The following NLRP10 variants were observed in gnomAD, a reference collection of about 807,000 sequenced individuals.
NLRP10 encodes the protein NACHT, LRR and PYD domains-containing protein 10.
In NLRP10, 7 loss-of-function variants were observed where a neutral mutation model predicts 8.2. The observed-to-expected ratio is 0.85, with a 90% CI of 0.48 to 1.60. The LOEUF is 1.60. Among genes scored for constraint, NLRP10 ranks in the 40% most tolerant of loss-of-function variants. The pLI is 0.00. For missense variants in NLRP10, 814 were observed against 776.3 expected (o/e 1.05, Z -0.58); for synonymous variants, 338 against 314.0 (o/e 1.08, Z -0.81).
At chr11:7,962,231 C>CTTTTTTTTTGTTTTTTTTTTTT (rs1941744093) in intron 2 of NLRP10, among the ~76,000 whole-genome samples, 1 of 66,994 alleles carries the variant, frequency 1.5e-5, no homozygotes, top group African/African-American at 5.6e-5. Flanking sequence ...TAAGCCTGTT[C>CTTTTTTTTTGTTTTTTTTTTTT]TTTTTTTTTT....
In NLRP10 at chr11:7,965,336, C is replaced by G. The variant is rs570956068; in HGVS notation, c.-136G>C. 1 of 152,236 alleles carries G rather than the reference C, an allele frequency of 6.6e-6. No individual in the cohort carries two copies. The highest frequency in any genetic ancestry group is 2.4e-5 in the African/African-American group (1 of 41,452). 9.4% of individuals were successfully genotyped at this position (152,236 alleles called of 1,614,324 possible). A position where few individuals can be genotyped will look rare whatever the true frequency, so the allele number is the denominator to read the frequency against. On this transcript the variant is annotated 5_prime_UTR_variant, in exon 1 of 3. Coordinates refer to ENST00000691676, the MANE Select transcript of NLRP10 (RefSeq NM_001391958.1). ...AGTAAGCAAAGCCTGGGGACTGAGA[C>G]GAAACAGATCCCCTTTCCTGGTCCG...
At position 7,958,928 on chromosome 11, in the gene NLRP10, A is replaced by C. The variant is rs1328294533; in HGVS notation, c.*716T>G. On this transcript the variant is annotated 3_prime_UTR_variant, in exon 3 of 3. Transcript: ENST00000691676. Reference sequence around the variant, plus strand: ...AATATTTTCTCCCAGTCTTTGGCTTATCTTTTCATTCTCTTAACAGTGTCT... The same window carrying C: ...AATATTTTCTCCCAGTCTTTGGCTTCTCTTTTCATTCTCTTAACAGTGTCT... Among the ~76,000 whole-genome samples, 3 of 152,088 alleles carry C rather than the reference A, an allele frequency of 2.0e-5. No individual in the cohort carries two copies. The highest frequency in any genetic ancestry group is 7.2e-5 in the African/African-American group (3 of 41,402).
intron 1 of NLRP10, among the ~76,000 whole-genome samples, chr11:7,964,106 G>C (rs1941779959): frequency 6.6e-6 from 1 of 152,034 alleles, no homozygotes; most frequent in African/African-American, 2.4e-5. Flanking sequence ...ATTTTTAGTA[G>C]AGATGGGGTT....
chr11:7,963,196 T>C lies in NLRP10; in HGVS notation c.289+11A>G. Reference sequence around the variant, plus strand: ...CCATCCTGCCCTCCCCTTCCCCCGCTCCACACTCACCATGCAGACAAATAT... The same window carrying C: ...CCATCCTGCCCTCCCCTTCCCCCGCCCCACACTCACCATGCAGACAAATAT... On this transcript the variant is annotated intron_variant, in intron 2 of 2. Coordinates refer to ENST00000691676, the MANE Select transcript of NLRP10 (RefSeq NM_001391958.1). 6.2e-7 allele frequency: 1 copy of C among 1,612,626 alleles called. No individual in the cohort carries two copies. Among genetic ancestry groups the C allele is most frequent in the Non-Finnish European group, 8.5e-7 (1 of 1,179,044 alleles).
rs1413050946 is a variant in NLRP10 at position 7,961,011 on chromosome 11, C to T, written c.601G>A (p.Asp201Asn). Residue 201 changes from aspartate (D) to asparagine (N), a missense_variant, in exon 3 of 3, where the codon GAT (aspartate) becomes AAT (asparagine). Transcript: ENST00000691676. ...ATGTLYPGRFDYVFYVSCKEV... is the reference protein window; with the variant it reads ...ATGTLYPGRFNYVFYVSCKEV... ...TTGCAGCTTACATAAAAGACATAAT[C>T]AAACCGGCCTGGGTACAGAGTACCG... is the stretch of plus-strand genomic sequence containing the variant. The T allele has an allele frequency of 6.2e-7, 1 of 1,614,184 alleles. No individual in the cohort carries two copies. Among genetic ancestry groups the T allele is most frequent in the Non-Finnish European group, 8.5e-7 (1 of 1,180,032 alleles).
Position 7,963,751 on chromosome 11 carries a change from T to A in NLRP10, c.-45-211A>T, listed in dbSNP as rs1400903028. On this transcript the variant is annotated intron_variant, in intron 1 of 2. Coordinates refer to ENST00000691676, the MANE Select transcript of NLRP10 (RefSeq NM_001391958.1). ...ACACGTGACTGTGTTGGCAAATGGG[T>A]AGGAAGGTATGTAGGTGTGTTAATC... The A allele has an allele frequency of 1.5e-5, 8 of 545,440 alleles. No homozygotes were observed. The Admixed American group carries it at 2.0e-4, about 13-fold the overall frequency. 33.8% of individuals were successfully genotyped at this position (545,440 alleles called of 1,614,324 possible). A position where few individuals can be genotyped will look rare whatever the true frequency, so the allele number is the denominator to read the frequency against.
chr11:7,960,049 C>T lies in NLRP10; in HGVS notation c.1563G>A (p.Ser521=), dbSNP rs369000977. 68 of 1,614,002 alleles carry T rather than the reference C, an allele frequency of 4.2e-5. No individual in the cohort carries two copies. The Middle Eastern group carries it at 6.6e-4, about 16-fold the overall frequency. ...TLTMQFLLDI[S]KKDSFSNLEL... ...CCAAGTTCGAGAAGCTGTCTTTTTT[C>T]GAGATGTCCAGTAAAAACTGCATAG... Residue 521 remains serine, a synonymous_variant, in exon 3 of 3, where the codon TCG becomes TCA. Coordinates refer to ENST00000691676, the MANE Select transcript of NLRP10 (RefSeq NM_001391958.1).
In NLRP10 at chr11:7,959,218, A is replaced by G. The variant is rs571602789; in HGVS notation, c.*426T>C. ...TTAAATTGCTTTTGCTCCTTTGTCTAAGATCAATTGACCATTTTTGTGTAG... is the reference window on the plus strand; with the variant it reads ...TTAAATTGCTTTTGCTCCTTTGTCTGAGATCAATTGACCATTTTTGTGTAG... On this transcript the variant is annotated 3_prime_UTR_variant, in exon 3 of 3. Coordinates refer to ENST00000691676, the MANE Select transcript of NLRP10 (RefSeq NM_001391958.1). 4.3e-4 allele frequency among the ~76,000 whole-genome samples: 65 copies of G among 152,178 alleles called. No individual in the cohort carries two copies. The highest frequency in any genetic ancestry group is 7.8e-4 in the Non-Finnish European group (53 of 68,030).
At chr11:7,962,101 G>A (rs12285891) in intron 2 of NLRP10, among the ~76,000 whole-genome samples, 14,689 of 152,016 alleles carry the variant, frequency 0.097, 838 homozygotes, top group East Asian at 0.21. Flanking sequence ...CTCGCCAGAA[G>A]TCAATGTTGA....
chr11:7,962,231 C>CTGTTTTTTTTTTTTTT (rs1941743747), intron 2 of NLRP10, among the ~76,000 whole-genome samples: 2 of 66,994 alleles, frequency 3.0e-5, no homozygotes, highest in African/African-American at 5.6e-5. Flanking sequence ...TAAGCCTGTT[C>CTGTTTTTTTTTTTTTT]TTTTTTTTTT....
Position 7,959,887 on chromosome 11 carries a change from C to A in NLRP10, c.1725G>T (p.Leu575=), listed in dbSNP as rs780295706. The change falls in exon 3 of 3, where the codon CTG becomes CTT. Residue 575 remains leucine (L), a synonymous_variant. Transcript: ENST00000691676. Reference sequence around the variant, plus strand: ...CATTGTTCATCTGAATACCTTTTACCAGATTCTTTATTTTAGCTTCATACA... The same window carrying A: ...CATTGTTCATCTGAATACCTTTTACAAGATTCTTTATTTTAGCTTCATACA... ...FSLYEAKIKN[L]VKGIQMNNVS... 9 of 1,613,646 alleles carry A rather than the reference C, an allele frequency of 5.6e-6. No individual in the cohort carries two copies. The highest frequency in any genetic ancestry group is 7.6e-6 in the Non-Finnish European group (9 of 1,179,652).
chr11:7,959,474 G>T lies in NLRP10; in HGVS notation c.*170C>A, dbSNP rs1023344844. ...AGTTATTTGCTGGGATCTTGATTGG[G>T]ATTGCATTGAATCTACAGATCAAAC... On this transcript the variant is annotated 3_prime_UTR_variant, in exon 3 of 3. Transcript: ENST00000691676. The T allele has an allele frequency of 4.0e-6, 2 of 505,084 alleles. No individual in the cohort carries two copies. Among genetic ancestry groups the T allele is most frequent in the South Asian group, 7.6e-5 (2 of 26,386 alleles). The allele number at this position is 505,084 out of a possible 1,614,324, so 31.3% of individuals were successfully genotyped here. A position where few individuals can be genotyped will look rare whatever the true frequency, so the allele number is the denominator to read the frequency against.
rs1941650721 is a variant in NLRP10, at chr11:7,958,137, G to T, written c.*1507C>A. On this transcript the variant is annotated 3_prime_UTR_variant, in exon 3 of 3. Coordinates refer to ENST00000691676, the MANE Select transcript of NLRP10 (RefSeq NM_001391958.1). ...TCACCTATTGAAGGACATCTTGGTT[G>T]CTTCCAAATTTGGGCAATTACGAAT... 6.6e-6 allele frequency among the ~76,000 whole-genome samples: 1 copy of T among 152,124 alleles called. No homozygotes were observed. Among genetic ancestry groups the T allele is most frequent in the Non-Finnish European group, 1.5e-5 (1 of 68,026 alleles).
In NLRP10 at chr11:7,960,295, A is replaced by T. The variant is rs745725960; in HGVS notation, c.1317T>A (p.Asp439Glu). 2 of 1,614,132 alleles carry T rather than the reference A, an allele frequency of 1.2e-6. No individual in the cohort carries two copies. The part of the protein sequence containing the change: ...EEAELRKHNL[D>E]GPRLAAFLSS... ...TCAGGAAAGCGGCAAGCCTGGGGCC[A>T]TCTAAATTATGTTTCCTGAGCTCAG... Residue 439 changes from aspartate (D) to glutamate (E), a missense_variant, in exon 3 of 3, where the codon GAT (aspartate) becomes GAA (glutamate). By Grantham distance (45) the Asp-to-Glu change is conservative. Transcript: ENST00000691676.
rs1485106735 is a variant in NLRP10, at chr11:7,960,768, T to C, written c.844A>G (p.Thr282Ala). The change falls in exon 3 of 3, where the codon ACA becomes GCA. Residue 282 changes from threonine (T) to alanine (A), a missense_variant. Transcript: ENST00000691676. ...SLLHLLIRRH[T>A]LPTCSLLITT... ...ATGAGAAGGGAGCACGTGGGGAGTG[T>C]ATGTCTCCTAATTAGAAGGTGCAGC... The C allele has an allele frequency of 6.2e-7, 1 of 1,614,068 alleles. No individual in the cohort carries two copies. Among genetic ancestry groups the C allele is most frequent in the East Asian group, 2.2e-5 (1 of 44,872 alleles).
At position 7,960,794 on chromosome 11, in the gene NLRP10, A is replaced by C; in HGVS notation, c.818T>G (p.Leu273Arg). Residue 273 changes from leucine (L) to arginine (R), a missense_variant, in exon 3 of 3, where the codon CTG becomes CGG. By Grantham distance (102) the Leu-to-Arg change is moderately radical. Transcript: ENST00000691676. ...KKRGLSPKES[L>R]LHLLIRRHTL... ...ATGTCTCCTAATTAGAAGGTGCAGC[A>C]GGCTCTCCTTGGGACTCAAACCCCT... The C allele has an allele frequency of 6.2e-7, 1 of 1,614,120 alleles. No homozygotes were observed. Among genetic ancestry groups the C allele is most frequent in the Non-Finnish European group, 8.5e-7 (1 of 1,180,022 alleles).
At chr11:7,962,336 C>G (rs868268985) in intron 2 of NLRP10, among the ~76,000 whole-genome samples, 2 of 148,914 alleles carry the variant, frequency 1.3e-5, no homozygotes, top group Non-Finnish European at 3.0e-5. Context: ...CCCGGGTTCA[C>G]GCCATTCTCC....
Position 7,961,233 on chromosome 11 carries a change from C to G in NLRP10, c.379G>C (p.Val127Leu). ...GGGCTCTCTGAGCTGGGCTTGGCCACCAGGAGCACCTGGTTGTATCTGCCA... is the reference window on the plus strand; with the variant it reads ...GGGCTCTCTGAGCTGGGCTTGGCCAGCAGGAGCACCTGGTTGTATCTGCCA... ...VNGRYNQVLL[V>L]AKPSSESPES... Residue 127 changes from valine to leucine, a missense_variant, in exon 3 of 3, where the codon GTG becomes CTG. Coordinates refer to ENST00000691676, the MANE Select transcript of NLRP10 (RefSeq NM_001391958.1). 1 of 1,613,372 alleles carries G rather than the reference C, an allele frequency of 6.2e-7. No homozygotes were observed. The highest frequency in any genetic ancestry group is 1.3e-5 in the African/African-American group (1 of 74,930).
rs1018614046 is a variant in NLRP10 at position 7,960,280 on chromosome 11, G to A, written c.1332C>T (p.Ala444=). 6.8e-6 allele frequency: 11 copies of A among 1,614,018 alleles called. No individual in the cohort carries two copies. Among genetic ancestry groups the A allele is most frequent in the African/African-American group, 2.7e-5 (2 of 74,906 alleles). The change falls in exon 3 of 3, where the codon GCC becomes GCT. Residue 444 remains alanine (A), a synonymous_variant. Transcript: ENST00000691676. The part of the protein sequence containing the change: ...RKHNLDGPRL[A]AFLSSNDYQL... The stretch of plus-strand genomic sequence containing the variant: ...GGTAGTCGTTACTACTCAGGAAAGC[G>A]GCAAGCCTGGGGCCATCTAAATTAT...
Sources: gnomAD v4.1 joint callset for allele counts (sites outside exome capture counted in the v4.1 genomes callset) on GRCh38, gnomAD v4.1.1 for gene constraint, MANE v1.5 for transcripts, NCBI Gene and HGNC (gene_info 2026-07-23, HGNC 2026-07-21) for gene names.